AFAP1: variants seen among roughly 807,000 people sequenced by gnomAD.
The protein encoded by AFAP1 is actin filament-associated protein 1.
AFAP1 carries 75 observed loss-of-function variants against 93.9 expected under a neutral mutation model. The ratio of observed to expected loss-of-function variants is 0.80; its 90% confidence interval spans 0.66 to 0.97. AFAP1 has a LOEUF of 0.97. AFAP1 is among the 50% of genes least tolerant of loss of function. The pLI is 0.00. For missense variants in AFAP1, 1,201 were observed against 1,050.8 expected (o/e 1.14, Z -1.98); for synonymous variants, 517 against 430.7 (o/e 1.20, Z -2.48).
At chr4:7,771,238 G>A (rs1715384817) in intron 16 of AFAP1, among the ~76,000 whole-genome samples, 1 of 152,222 alleles carries the variant, frequency 6.6e-6, no homozygotes, top group Non-Finnish European at 1.5e-5. Context: ...ACAGAATGTG[G>A]GCTGGGCATG....
Position 7,781,619 on chromosome 4 carries a change from C to A in AFAP1, c.1539G>T (p.Pro513=). ...TGCAGGAAGCAGGAAAGCCGTCTTC[C>A]GGTTCCCACTGCAACACACATAGCT... ...DVPCINGSWE[P]EDGFPASCSR... The change falls in exon 13 of 18, where the codon CCG becomes CCT. Residue 513 remains proline, a synonymous_variant. Transcript: ENST00000420658. The A allele has an allele frequency of 6.4e-7, 1 of 1,551,732 alleles. No homozygotes were observed. The highest frequency in any genetic ancestry group is 8.7e-7 in the Non-Finnish European group (1 of 1,146,998).
At chr4:7,882,850 T>C (rs1044092190) in intron 1 of AFAP1, among the ~76,000 whole-genome samples, 15 of 150,692 alleles carry the variant, frequency 1.0e-4, no homozygotes, top group African/African-American at 3.7e-4. Flanking sequence ...AGAGCAAGAC[T>C]CCATCTCAAA....
intron 1 of AFAP1, among the ~76,000 whole-genome samples, chr4:7,891,302 T>C (rs1322086242): frequency 1.3e-5 from 2 of 152,100 alleles, no homozygotes; most frequent in East Asian, 3.9e-4. Flanking sequence ...GGGCTGTGAG[T>C]GAATTCAGGG....
In AFAP1 at chr4:7,925,853, A is replaced by G. The variant is rs111878602; in HGVS notation, c.-3+13803T>C. 8.9e-4 allele frequency among the ~76,000 whole-genome samples: 131 copies of G among 147,328 alleles called. 1 individual carries two copies. The highest frequency in any genetic ancestry group is 2.9e-3 in the African/African-American group (115 of 39,578). ...AGAGCGAAACTCTGTCTCAAAAAAA[A>G]AAAGAAAGAAAGAAAGAAAGCAATG... On this transcript the variant is annotated intron_variant, in intron 1 of 17. Coordinates refer to ENST00000420658, the MANE Select transcript of AFAP1 (RefSeq NM_001134647.2).
At chr4:7,802,409 T>C (rs1422081031) in intron 9 of AFAP1, among the ~76,000 whole-genome samples, 2 of 152,144 alleles carry the variant, frequency 1.3e-5, no homozygotes, top group African/African-American at 2.4e-5. Flanking sequence ...GCCCTAGAAT[T>C]AAAGTAGGAA....
intron 1 of AFAP1, among the ~76,000 whole-genome samples, chr4:7,875,071 G>A (rs533341481): frequency 2.5e-4 from 38 of 152,168 alleles, no homozygotes; most frequent in African/African-American, 8.2e-4. Flanking sequence ...TCATTTATTC[G>A]TCACTTACCT....
At chr4:7,900,683 G>C (rs1382252043) in intron 1 of AFAP1, among the ~76,000 whole-genome samples, 2 of 152,222 alleles carry the variant, frequency 1.3e-5, no homozygotes, top group African/African-American at 2.4e-5. Context: ...TAACCAACAA[G>C]AAACTATAAG....
At chr4:7,857,860 G>GA (rs1440560785) in intron 3 of AFAP1, among the ~76,000 whole-genome samples, 2 of 151,010 alleles carry the variant, frequency 1.3e-5, no homozygotes, top group African/African-American at 4.9e-5. Context: ...CTTACTCTCT[G>GA]AATCGATGGG....
intron 10 of AFAP1, among the ~76,000 whole-genome samples, chr4:7,798,241 C>T (rs113922173): frequency 6.1e-5 from 8 of 130,840 alleles, no homozygotes; most frequent in South Asian, 2.6e-4. Flanking sequence ...GCTCACGGCA[C>T]TGCAACTCTA....
intron 6 of AFAP1, among the ~76,000 whole-genome samples, chr4:7,831,166 C>G (rs989082698): frequency 2.6e-5 from 4 of 152,028 alleles, no homozygotes; most frequent in Non-Finnish European, 5.9e-5. Context: ...CTACACTAGC[C>G]CATCTCAAGT....
intron 4 of AFAP1, among the ~76,000 whole-genome samples, chr4:7,847,798 T>TGAG (rs1713908434): frequency 7.0e-6 from 1 of 142,630 alleles, no homozygotes; most frequent in Non-Finnish European, 1.5e-5. Context: ...GTACTCGGGG[T>TGAG]GGGGCATTGA....
chr4:7,909,979 T>A (rs1437355350), intron 1 of AFAP1, among the ~76,000 whole-genome samples: 1 of 152,166 alleles, frequency 6.6e-6, no homozygotes, highest in African/African-American at 2.4e-5. Context: ...TCCCTAATAA[T>A]ATTGGCAAAG....
At chr4:7,785,625 T>C (rs986429227) in intron 12 of AFAP1, among the ~76,000 whole-genome samples, 5 of 152,214 alleles carry the variant, frequency 3.3e-5, no homozygotes, top group Non-Finnish European at 5.9e-5. Flanking sequence ...TTTAGTGGGC[T>C]GACACATTTA....
intron 1 of AFAP1, among the ~76,000 whole-genome samples, chr4:7,914,731 G>T (rs968535801): frequency 5.9e-5 from 9 of 152,140 alleles, no homozygotes; most frequent in African/African-American, 2.2e-4. Context: ...GTTTTCCATA[G>T]TGGCTGCACT....
At chr4:7,773,088 A>C in intron 15 of AFAP1, 78 bp from the exon 16 acceptor site, 2 of 1,502,568 alleles carry the variant, frequency 1.3e-6, no homozygotes, top group Admixed American at 4.5e-5. Flanking sequence ...CTGGTCCCCA[A>C]GAAGAACTTC....
chr4:7,866,485 C>T (rs550441077), intron 3 of AFAP1, among the ~76,000 whole-genome samples: 5 of 152,310 alleles, frequency 3.3e-5, no homozygotes, highest in Non-Finnish European at 5.9e-5. Context: ...CGTGAGCCAC[C>T]GCACCTGGCC....
rs1346889749 is a variant in AFAP1 at position 7,768,861 on chromosome 4, C to T, written c.2401G>A (p.Val801Met). ...APGSSPCRGH[V>M]LRKAKEWELK... is the part of the protein sequence containing the mutation. ...GGGCTTACCTTGGCCTTCCGCAGCA[C>T]ATGCCCTCGGCAGGGGGAGCTGCCC... Residue 801 changes from valine (V) to methionine (M), a missense_variant, in exon 17 of 18, where the codon GTG becomes ATG. Transcript: ENST00000420658. The T allele has an allele frequency of 1.9e-6, 3 of 1,603,860 alleles. No homozygotes were observed. The highest frequency in any genetic ancestry group is 2.6e-6 in the Non-Finnish European group (3 of 1,172,680).
chr4:7,832,982 C>T (rs952492297), intron 6 of AFAP1, among the ~76,000 whole-genome samples: 20 of 152,180 alleles, frequency 1.3e-4, no homozygotes, highest in African/African-American at 4.8e-4. Flanking sequence ...CCTCATCTCT[C>T]ACCTTGTACA....
chr4:7,799,105 G>A (rs1308460356), intron 10 of AFAP1: 29 of 985,076 alleles, frequency 2.9e-5, no homozygotes, highest in African/African-American at 5.2e-5. Flanking sequence ...CGTGTTTTAC[G>A]GTGGGTAAAG....
Sources: gnomAD v4.1 joint callset for allele counts (sites outside exome capture counted in the v4.1 genomes callset) on GRCh38, gnomAD v4.1.1 for gene constraint, MANE v1.5 for transcripts, NCBI Gene and HGNC (gene_info 2026-07-23, HGNC 2026-07-21) for gene names.